Variants in TAF12 observed in about 807,000 individuals in gnomAD.
TAF12 encodes the protein TATA-box binding protein associated factor 12.
A neutral mutation model predicts 20.8 loss-of-function variants in TAF12; 3 were observed. The ratio of observed to expected loss-of-function variants is 0.14; its 90% CI spans 0.07 to 0.37. The LOEUF (loss-of-function observed/expected upper bound fraction) is 0.37, where lower values mean the gene tolerates loss of function less well. Among genes scored for constraint, TAF12 ranks in the 10% least tolerant of loss-of-function variants. The pLI is 1.00. For missense variants in TAF12, 131 were observed against 197.9 expected (o/e 0.66, Z 2.03); for synonymous variants, 69 against 70.2 (o/e 0.98, Z 0.09).
At chr1:28,641,793 CAAAAAAAAAA>C (rs35540210) in intron 1 of TAF12, among the ~76,000 whole-genome samples, 1 of 86,480 alleles carries the variant, frequency 1.2e-5, no homozygotes, top group Non-Finnish European at 2.2e-5. Flanking sequence ...GAACCTGTCT[CAAAAAAAAAA>C]AAAAAAAAAA....
At chr1:28,613,145 A>C in intron 4 of TAF12, 102 bp downstream of exon 4, 10 of 883,010 alleles carry the variant, frequency 1.1e-5, no homozygotes, top group Non-Finnish European at 1.7e-5. Context: ...CCCAGTGCCC[A>C]AAAGTCTGGT....
At chr1:28,607,696 T>C (rs1666714299) in intron 4 of TAF12, among the ~76,000 whole-genome samples, 1 of 151,506 alleles carries the variant, frequency 6.6e-6, no homozygotes, top group Non-Finnish European at 1.5e-5. Flanking sequence ...TTTTTTTAGC[T>C]GTATGTGGTG....
At chr1:28,620,986 C>T (rs1435727345) in intron 2 of TAF12, among the ~76,000 whole-genome samples, 1 of 152,192 alleles carries the variant, frequency 6.6e-6, no homozygotes, top group East Asian at 1.9e-4. Context: ...TGTCCCCTTA[C>T]TGCCAAGTTA....
chr1:28,639,908 C>T (rs1330891188), intron 1 of TAF12, among the ~76,000 whole-genome samples: 1 of 151,616 alleles, frequency 6.6e-6, no homozygotes, highest in Admixed American at 6.6e-5. Context: ...GTGACACAAT[C>T]TCGGCTCATT....
intron 3 of TAF12, among the ~76,000 whole-genome samples, chr1:28,615,005 A>T (rs1039991747): frequency 3.9e-5 from 6 of 152,106 alleles, no homozygotes; most frequent in Admixed American, 1.3e-4. Flanking sequence ...GTTACTTGGG[A>T]GGCTGAAGTG....
chr1:28,644,562 G>A (rs775096981), upstream of TAF12, among the ~76,000 whole-genome samples: 1 of 152,208 alleles, frequency 6.6e-6, no homozygotes, highest in Non-Finnish European at 1.5e-5. Context: ...CATAACTGGT[G>A]GCTAAGACGG....
At chr1:28,613,154 G>T in intron 4 of TAF12, 93 bp downstream of exon 4, 1 of 1,012,592 alleles carries the variant, frequency 9.9e-7, no homozygotes, top group Non-Finnish European at 1.4e-6. Context: ...CAAAAGTCTG[G>T]TTCTGGCATG....
chr1:28,608,572 A>C (rs930038609), intron 4 of TAF12, among the ~76,000 whole-genome samples: 1 of 151,464 alleles, frequency 6.6e-6, no homozygotes, highest in African/African-American at 2.4e-5. Context: ...TGGGCAACAC[A>C]GTGAAAACCC....
intron 1 of TAF12, among the ~76,000 whole-genome samples, chr1:28,633,983 T>C (rs951047696): frequency 1.3e-5 from 2 of 150,976 alleles, no homozygotes; most frequent in African/African-American, 2.4e-5. Flanking sequence ...TTCGGGAGGC[T>C]GAGGCAGGAG....
upstream of TAF12, among the ~76,000 whole-genome samples, chr1:28,645,181 G>A (rs553103609): frequency 1.1e-3 from 169 of 151,428 alleles, 2 homozygotes; most frequent in Middle Eastern, 0.014. Context: ...GACTACAGGC[G>A]CCCGCCACCG....
chr1:28,637,357 C>A (rs1667870608), intron 1 of TAF12, among the ~76,000 whole-genome samples: 1 of 151,838 alleles, frequency 6.6e-6, no homozygotes, highest in Non-Finnish European at 1.5e-5. Context: ...ATTCTAAAGT[C>A]CCTTTCAGCA....
chr1:28,630,339 G>A (rs1330524987), intron 1 of TAF12, among the ~76,000 whole-genome samples: 1 of 152,094 alleles, frequency 6.6e-6, no homozygotes, highest in Non-Finnish European at 1.5e-5. Flanking sequence ...GGCAGATCAT[G>A]AGGTCAGGAG....
At chr1:28,623,294 G>GGT (rs1196657110) in intron 1 of TAF12, among the ~76,000 whole-genome samples, 2 of 151,982 alleles carry the variant, frequency 1.3e-5, no homozygotes, top group Non-Finnish European at 2.9e-5. Context: ...GGCCGAGGTG[G>GGT]GTGGATCACC....
intron 4 of TAF12, among the ~76,000 whole-genome samples, chr1:28,609,011 C>G (rs905742331): frequency 6.6e-6 from 1 of 151,950 alleles, no homozygotes; most frequent in African/African-American, 2.4e-5. Context: ...GTATGTGTGT[C>G]TATTTATGTA....
At chr1:28,608,457 T>C (rs996609951) in intron 4 of TAF12, among the ~76,000 whole-genome samples, 5 of 150,352 alleles carry the variant, frequency 3.3e-5, no homozygotes, top group Non-Finnish European at 7.4e-5. Flanking sequence ...AAAGTCACTT[T>C]AAAGAAAGAG....
upstream of TAF12, among the ~76,000 whole-genome samples, chr1:28,645,339 CTTTT>C (rs1171697773): frequency 7.3e-6 from 1 of 137,710 alleles, no homozygotes; most frequent in Non-Finnish European, 1.6e-5. Context: ...CCGGCCTCTT[CTTTT>C]TTTTTTTTTT....
chr1:28,639,248 T>C (rs547141569), intron 1 of TAF12, among the ~76,000 whole-genome samples: 1 of 151,324 alleles, frequency 6.6e-6, no homozygotes, highest in East Asian at 2.0e-4. Flanking sequence ...GAAACCCGTC[T>C]CTACTAAAAA....
At chr1:28,605,212 A>T in intron 5 of TAF12, 160 bp downstream of exon 5, 1 of 651,208 alleles carries the variant, frequency 1.5e-6, no homozygotes, top group African/African-American at 1.8e-5. Flanking sequence ...TCTCCCGGAG[A>T]CCGCTGCTGC....
At chr1:28,605,660 C>G (rs759387858) in intron 4 of TAF12, among the ~76,000 whole-genome samples, 200 bp from the exon 5 acceptor site, 21 of 152,148 alleles carry the variant, frequency 1.4e-4, no homozygotes, top group Non-Finnish European at 2.6e-4. Flanking sequence ...TCTTCCCACT[C>G]TGTCACCCAG....
Sources: allele counts gnomAD v4.1 joint callset (sites outside exome capture counted in the v4.1 genomes callset), GRCh38; gene constraint gnomAD v4.1.1; transcripts MANE v1.5; gene names NCBI Gene and HGNC (gene_info 2026-07-23, HGNC 2026-07-21).